UGT1A6: variants seen among roughly 807,000 people sequenced by gnomAD.
The protein encoded by UGT1A6 is UDP glucuronosyltransferase family 1 member A6.
In UGT1A6, 32 loss-of-function variants were observed where a neutral mutation model predicts 44.4. That is an observed-to-expected ratio of 0.72 (90% CI 0.54 to 0.97). The LOEUF is 0.97. UGT1A6 is among the 50% of genes least tolerant of loss of function. The pLI, the probability that UGT1A6 is intolerant of heterozygous loss-of-function variation, is 0.00. For missense variants in UGT1A6, 685 were observed against 661.9 expected, an observed-to-expected ratio of 1.03 and a Z score of -0.38; for synonymous variants, 238 against 248.5, an observed-to-expected ratio of 0.96 and a Z score of 0.40.
chr2:233,718,966 G>C (rs201968211), intron 1 of UGT1A6: 2 of 1,614,188 alleles, frequency 1.2e-6, no homozygotes, highest in South Asian at 2.2e-5. Flanking sequence ...GAGGCCTTGC[G>C]GGAGCTCCAT....
intron 1 of UGT1A6, among the ~76,000 whole-genome samples, chr2:233,724,946 C>T (rs1421347433): frequency 3.5e-5 from 5 of 144,538 alleles, no homozygotes; most frequent in African/African-American, 5.3e-5. Flanking sequence ...TCTGCAATCC[C>T]GGCACCTCGG....
rs1700558646 is a variant in UGT1A6, at chr2:233,772,951, T to C, written c.*392T>C. The stretch of plus-strand genomic sequence containing the variant: ...AATCTTATCTTTTGGCTTCTGCAGA[T>C]GGTTGCAATTGATCCTTAACCAATA... On this transcript the variant is annotated 3_prime_UTR_variant, in exon 5 of 5. Transcript: ENST00000305139. 1 of 322,076 alleles carries C rather than the reference T, an allele frequency of 3.1e-6. No homozygotes were observed. Among genetic ancestry groups the C allele is most frequent in the South Asian group, 3.1e-5 (1 of 32,036 alleles). The allele number at this position is 322,076 out of a possible 1,614,324, so 20.0% of individuals were successfully genotyped here. A position where few individuals can be genotyped will look rare whatever the true frequency, so the allele number is the denominator to read the frequency against.
intron 1 of UGT1A6, among the ~76,000 whole-genome samples, chr2:233,700,130 A>G (rs1434848061): frequency 2.0e-5 from 3 of 152,150 alleles, no homozygotes; most frequent in Admixed American, 6.5e-5. Flanking sequence ...CCACCCTCTG[A>G]GCTGTTTGTC....
At chr2:233,718,654 G>A in intron 1 of UGT1A6, 1 of 1,516,140 alleles carries the variant, frequency 6.6e-7, no homozygotes, top group African/African-American at 1.4e-5. Context: ...CATAACGAAA[G>A]GCAGTTATAG....
intron 1 of UGT1A6, chr2:233,721,797 A>G (rs7597496): frequency 0.51 from 260,053 of 511,456 alleles, 70,587 homozygotes; most frequent in African/African-American, 0.82. Context: ...TTTAAAGCAC[A>G]TGCAGCAAAA....
chr2:233,713,168 G>T (rs773495849), intron 1 of UGT1A6: 1 of 1,614,094 alleles, frequency 6.2e-7, no homozygotes, highest in Non-Finnish European at 8.5e-7. Context: ...ACCAGGTGGT[G>T]GTCCTCACCC....
chr2:233,755,003 C>T (rs10929301), intron 1 of UGT1A6: 15 of 1,287,722 alleles, frequency 1.2e-5, no homozygotes, highest in Non-Finnish European at 1.6e-5. Flanking sequence ...AGCTGAAGAC[C>T]TACTCGAAGG....
intron 1 of UGT1A6, chr2:233,756,147 T>C (rs1696132697): frequency 6.6e-6 from 1 of 152,212 alleles, no homozygotes; most frequent in Admixed American, 6.5e-5. Flanking sequence ...TTACTGGGGA[T>C]CCCTAGGATT....
rs562977700 is a variant in UGT1A6 at position 233,719,688 on chromosome 2, G to T, written c.861+25823G>T. On this transcript the variant is annotated intron_variant, in intron 1 of 4. Transcript: ENST00000305139. The stretch of plus-strand genomic sequence containing the variant: ...TGCCAACGGGAAGCCACTATCTCAG[G>T]TCTGTATTGGTGCCTTCATCCAATC... 7.9e-5 allele frequency: 127 copies of T among 1,614,002 alleles called. No homozygotes were observed. The East Asian group carries it at 2.7e-3, about 34-fold the overall frequency.
intron 4 of UGT1A6, chr2:233,770,251 G>A (rs1382246266): frequency 6.6e-6 from 1 of 152,150 alleles, no homozygotes; most frequent in Non-Finnish European, 1.5e-5. Flanking sequence ...CCAACACTCT[G>A]AGCTGGGGAT....
chr2:233,724,379 C>T (rs1274419342), intron 1 of UGT1A6, among the ~76,000 whole-genome samples: 6 of 145,710 alleles, frequency 4.1e-5, no homozygotes, highest in African/African-American at 7.6e-5. Flanking sequence ...GGCTGCCGGG[C>T]GGAGACGCTC....
chr2:233,724,484 G>GAT (rs2077266609), intron 1 of UGT1A6, among the ~76,000 whole-genome samples: 7 of 76,988 alleles, frequency 9.1e-5, no homozygotes, highest in Admixed American at 2.6e-4. Flanking sequence ...CTTCTCAGAC[G>GAT]GGGCGGCCGG....
intron 4 of UGT1A6, chr2:233,770,945 C>A (rs537203065): frequency 1.3e-5 from 2 of 152,232 alleles, no homozygotes; most frequent in African/African-American, 4.8e-5. Flanking sequence ...GCCGGGGGAA[C>A]CTCAGGGAGC....
chr2:233,713,619 AG>A (rs2076334398), intron 1 of UGT1A6: 1 of 1,613,856 alleles, frequency 6.2e-7, no homozygotes, highest in African/African-American at 1.3e-5. Flanking sequence ...ATTCCTGCAA[AG>A]GGTCAAGAAC....
At chr2:233,716,884 C>G (rs1681391448) in intron 1 of UGT1A6, among the ~76,000 whole-genome samples, 2 of 152,140 alleles carry the variant, frequency 1.3e-5, no homozygotes, top group African/African-American at 4.8e-5. Flanking sequence ...CTGTGCAGCC[C>G]AGACCCCTCC....
At chr2:233,713,415 C>A (rs3755320) in intron 1 of UGT1A6, 158,193 of 1,614,046 alleles carry the variant, frequency 0.098, 8,780 homozygotes, top group South Asian at 0.2. Flanking sequence ...CAGGCACCTG[C>A]ATGCTACTTC....
rs2075124795 is a variant in UGT1A6, at chr2:233,692,984, G to A, written c.-21G>A. On this transcript the variant is annotated 5_prime_UTR_variant, in exon 1 of 5. Transcript: ENST00000305139. ...AGAGTGAAAACTCTTTATTACCGTT[G>A]TTACTTTAACTCTTTCCAGGATGGC... is the stretch of plus-strand genomic sequence containing the variant. The A allele has an allele frequency of 4.3e-6, 7 of 1,613,412 alleles. No individual in the cohort carries two copies. The highest frequency in any genetic ancestry group is 5.9e-6 in the Non-Finnish European group (7 of 1,179,838).
chr2:233,710,157 C>G (rs2076114557), intron 1 of UGT1A6, among the ~76,000 whole-genome samples: 1 of 152,134 alleles, frequency 6.6e-6, no homozygotes, highest in Non-Finnish European at 1.5e-5. Flanking sequence ...TCATCATTTG[C>G]TTATGCATTT....
chr2:233,707,274 T>C (rs2075953274), intron 1 of UGT1A6, among the ~76,000 whole-genome samples: 3 of 152,166 alleles, frequency 2.0e-5, no homozygotes, highest in Admixed American at 2.0e-4. Flanking sequence ...TTATTTTAAG[T>C]TCCAGGGCAC....
Sources: allele counts gnomAD v4.1 joint callset (sites outside exome capture counted in the v4.1 genomes callset), GRCh38; gene constraint gnomAD v4.1.1; transcripts MANE v1.5; gene names NCBI Gene and HGNC (gene_info 2026-07-23, HGNC 2026-07-21).